Variants in GRM7 observed in about 807,000 individuals in gnomAD.
The protein encoded by GRM7 is metabotropic glutamate receptor 7.
A neutral mutation model predicts 84.5 loss-of-function variants in GRM7; 35 were observed. That is an observed-to-expected ratio of 0.41 (90% confidence interval 0.32 to 0.55). The LOEUF (loss-of-function observed/expected upper bound fraction) is 0.55, where lower values mean the gene tolerates loss of function less well. Ranked by LOEUF, GRM7 falls within the 20% of genes least tolerant of loss-of-function variation. The pLI, the probability that GRM7 is intolerant of heterozygous loss-of-function variation, is 0.19. For synonymous variants in GRM7, 487 were observed against 455.1 expected (o/e 1.07, Z -0.89); for missense variants, 1,003 against 1,194.6 (o/e 0.84, Z 2.36).
chr3:6,955,220 T>C (rs1291137715), intron 1 of GRM7, among the ~76,000 whole-genome samples: 1 of 152,192 alleles, frequency 6.6e-6, no homozygotes, highest in African/African-American at 2.4e-5. Flanking sequence ...AGAATAATAC[T>C]GCATACAGCA....
chr3:7,150,147 G>A (rs558029229), intron 2 of GRM7, among the ~76,000 whole-genome samples: 1 of 152,186 alleles, frequency 6.6e-6, no homozygotes, highest in African/African-American at 2.4e-5. Context: ...CATTGTTTCA[G>A]TGTACTGCTG....
At chr3:7,155,110 T>G (rs1694406571) in intron 2 of GRM7, among the ~76,000 whole-genome samples, 1 of 152,134 alleles carries the variant, frequency 6.6e-6, no homozygotes, top group Non-Finnish European at 1.5e-5. Context: ...ATTACTGAAG[T>G]CTGGCATATC....
chr3:7,345,083 A>T (rs9851273), intron 4 of GRM7, among the ~76,000 whole-genome samples: 57,823 of 151,872 alleles, frequency 0.38, 11,188 homozygotes, highest in South Asian at 0.45. Flanking sequence ...AATGTTTTTT[A>T]AAAAAAGGTA....
intron 1 of GRM7, among the ~76,000 whole-genome samples, chr3:7,022,803 C>G (rs753339927): frequency 6.6e-6 from 1 of 152,020 alleles, no homozygotes; most frequent in Non-Finnish European, 1.5e-5. Flanking sequence ...GAAAACTTCC[C>G]CTTTGTCCTA....
intron 2 of GRM7, among the ~76,000 whole-genome samples, chr3:7,165,649 C>A (rs1464713010): frequency 6.6e-6 from 1 of 152,142 alleles, no homozygotes; most frequent in Non-Finnish European, 1.5e-5. Context: ...AATACTAGGA[C>A]TTAAATACTT....
intron 7 of GRM7, among the ~76,000 whole-genome samples, chr3:7,537,814 G>T (rs1481520051): frequency 1.3e-5 from 2 of 152,166 alleles, no homozygotes; most frequent in Non-Finnish European, 2.9e-5. Flanking sequence ...CTTCAGATGA[G>T]AAAGTCTATC....
At chr3:7,610,933 T>G (rs1219209971) in intron 8 of GRM7, among the ~76,000 whole-genome samples, 1 of 152,126 alleles carries the variant, frequency 6.6e-6, no homozygotes, top group Non-Finnish European at 1.5e-5. Context: ...AACAAAACGA[T>G]AGTTAATGTA....
chr3:7,139,435 A>C (rs1693874758), intron 1 of GRM7, among the ~76,000 whole-genome samples: 1 of 152,018 alleles, frequency 6.6e-6, no homozygotes, highest in Middle Eastern at 3.4e-3. Flanking sequence ...AGAGAAGCAA[A>C]AAGGTCTGTA....
At chr3:7,371,059 T>A (rs1234329643) in intron 4 of GRM7, among the ~76,000 whole-genome samples, 1 of 152,324 alleles carries the variant, frequency 6.6e-6, no homozygotes, top group Non-Finnish European at 1.5e-5. Context: ...ATTTTTTCTT[T>A]GTACAGAGAC....
intron 9 of GRM7, among the ~76,000 whole-genome samples, chr3:7,704,977 T>C (rs186986411): frequency 2.0e-5 from 3 of 152,316 alleles, no homozygotes; most frequent in Non-Finnish European, 2.9e-5. Context: ...GTTCCTTCTC[T>C]GTTCGAGAAG....
Position 6,881,859 on chromosome 3 carries a change from A to G in GRM7, c.519+19952A>G, listed in dbSNP as rs77422732. On this transcript the variant is annotated intron_variant, in intron 1 of 9. Coordinates refer to ENST00000357716, the MANE Select transcript of GRM7 (RefSeq NM_000844.4). Reference sequence around the variant, plus strand: ...CACTGCTACAATCTGGAGGGGCTAAAAATGTTTAGTCAATAGGTGTTCATT... The same window carrying G: ...CACTGCTACAATCTGGAGGGGCTAAGAATGTTTAGTCAATAGGTGTTCATT... 5.7e-3 allele frequency among the ~76,000 whole-genome samples: 863 copies of G among 152,184 alleles called. 5 individuals are homozygous for G. The highest frequency in any genetic ancestry group is 0.02 in the African/African-American group (824 of 41,488).
chr3:6,974,941 G>C (rs1317642948), intron 1 of GRM7, among the ~76,000 whole-genome samples: 1 of 152,170 alleles, frequency 6.6e-6, no homozygotes, highest in Non-Finnish European at 1.5e-5. Context: ...GGAAATATGA[G>C]AGTATTCTTA....
intron 1 of GRM7, among the ~76,000 whole-genome samples, chr3:6,992,862 G>T (rs2069062): frequency 6.6e-6 from 1 of 152,122 alleles, no homozygotes; most frequent in Non-Finnish European, 1.5e-5. Context: ...CATTTGAGAA[G>T]GTAGATAGCC....
At chr3:7,422,991 C>G (rs1696458629) in intron 5 of GRM7, among the ~76,000 whole-genome samples, 1 of 152,146 alleles carries the variant, frequency 6.6e-6, no homozygotes, top group African/African-American at 2.4e-5. Context: ...TTTCCCAAAT[C>G]TTGACCAGAT....
At chr3:7,350,753 A>G (rs149481934) in intron 4 of GRM7, among the ~76,000 whole-genome samples, 1,642 of 152,156 alleles carry the variant, frequency 0.011, 14 homozygotes, top group Non-Finnish European at 0.016. Flanking sequence ...GCAAACTACC[A>G]TTGAGGTTGT....
intron 9 of GRM7, among the ~76,000 whole-genome samples, chr3:7,739,838 A>G (rs1702630150): frequency 6.6e-6 from 1 of 152,206 alleles, no homozygotes; most frequent in Admixed American, 6.5e-5. Context: ...TCTGCAAATG[A>G]CCATTTATAA....
intron 9 of GRM7, among the ~76,000 whole-genome samples, chr3:7,689,233 T>C (rs1195762288): frequency 6.6e-6 from 1 of 152,186 alleles, no homozygotes; most frequent in Non-Finnish European, 1.5e-5. Context: ...ACATCCATTA[T>C]TGAATGATAT....
chr3:7,114,869 A>C (rs1298282638), intron 1 of GRM7, among the ~76,000 whole-genome samples: 1 of 152,108 alleles, frequency 6.6e-6, no homozygotes, highest in Non-Finnish European at 1.5e-5. Flanking sequence ...GAACAATTGG[A>C]GATCATCACT....
chr3:6,998,119 C>CAAAAAAAAAAAA lies in GRM7; in HGVS notation c.519+136221_519+136232dup, dbSNP rs3063449. On this transcript the variant is annotated intron_variant, in intron 1 of 9. Transcript: ENST00000357716. ...GGGCAAAAACAGCAAATCTCCATCTCAAAAAAAAAAAAAAAAAAAAGCAGG... is the reference window on the plus strand; with the variant it reads ...GGGCAAAAACAGCAAATCTCCATCTCAAAAAAAAAAAAAAAAAAAAAAAAAAAAAAAAGCAGG... Among the ~76,000 whole-genome samples the CAAAAAAAAAAAA allele has an allele frequency of 2.3e-3, 42 of 18,430 alleles. 16 individuals are homozygous for CAAAAAAAAAAAA. The highest frequency in any genetic ancestry group is 4.4e-3 in the East Asian group (2 of 456). 12.1% of individuals were successfully genotyped at this position (18,430 alleles called of 152,430 possible). A position where few individuals can be genotyped will look rare whatever the true frequency, so the allele number is the denominator to read the frequency against.
Sources: allele counts gnomAD v4.1 joint callset (sites outside exome capture counted in the v4.1 genomes callset), GRCh38; gene constraint gnomAD v4.1.1; transcripts MANE v1.5; gene names NCBI Gene and HGNC (gene_info 2026-07-23, HGNC 2026-07-21).